CCDC138: variants seen among roughly 807,000 people sequenced by gnomAD.
CCDC138 encodes coiled-coil domain-containing protein 138.
In CCDC138, 66 loss-of-function variants were observed where a neutral mutation model predicts 82.3. The ratio of observed to expected loss-of-function variants is 0.80; its 90% CI spans 0.66 to 0.98. The LOEUF (loss-of-function observed/expected upper bound fraction) is 0.98. Ranked by LOEUF, CCDC138 falls within the 50% of genes least tolerant of loss-of-function variation. The pLI, the probability that CCDC138 is intolerant of heterozygous loss-of-function variation, is 0.00. For missense variants in CCDC138, 816 were observed against 758.9 expected (o/e 1.08, Z -0.88); for synonymous variants, 297 against 265.4 (o/e 1.12, Z -1.16).
chr2:108,878,138 A>G (rs545089695), downstream of CCDC138, among the ~76,000 whole-genome samples: 3 of 152,360 alleles, frequency 2.0e-5, no homozygotes, highest in African/African-American at 7.2e-5. Flanking sequence ...AATCAACCTC[A>G]TATCAAAAGC....
chr2:108,845,939 T>A (rs1426944943), intron 11 of CCDC138, among the ~76,000 whole-genome samples: 1 of 152,222 alleles, frequency 6.6e-6, no homozygotes. Context: ...AGTTTCATGC[T>A]ACTATTTCTA....
rs1325980789 is a variant in CCDC138 at position 108,822,350 on chromosome 2, A to T, written c.1206+6245A>T. On this transcript the variant is annotated intron_variant, in intron 10 of 14. Transcript: ENST00000295124. The stretch of plus-strand genomic sequence containing the variant: ...ATTGAAGAAATAGTAACATAATACT[A>T]CTAGGAAACTTCAATACCCCACTTT... 3.3e-5 allele frequency among the ~76,000 whole-genome samples: 5 copies of T among 152,344 alleles called. No homozygotes were observed. In the East Asian group the frequency reaches 9.6e-4, roughly 29 times the overall value.
Position 108,860,935 on chromosome 2 carries a change from CTTTTT to C in CCDC138, c.1693+3984_1693+3988del, listed in dbSNP as rs70956282. Among the ~76,000 whole-genome samples the C allele has an allele frequency of 1.4e-3, 52 of 37,928 alleles. 2 individuals are homozygous for C. The highest frequency in any genetic ancestry group is 2.8e-3 in the East Asian group (3 of 1,090). The allele number at this position is 37,928 out of a possible 152,430, so 24.9% of individuals were successfully genotyped here. A position where few individuals can be genotyped will look rare whatever the true frequency, so the allele number is the denominator to read the frequency against. ...GGCTGTGAATCCATCTGGTCCAGGA[CTTTTT>C]TTTTTTTTTTTTTTTTTTGGTTGGT... On this transcript the variant is annotated intron_variant, in intron 13 of 14. Coordinates refer to ENST00000295124, the MANE Select transcript of CCDC138 (RefSeq NM_144978.3).
intron 13 of CCDC138, among the ~76,000 whole-genome samples, chr2:108,862,964 A>G (rs527322766): frequency 6.6e-6 from 1 of 152,260 alleles, no homozygotes; most frequent in South Asian, 2.1e-4. Flanking sequence ...AATAATAAAG[A>G]TAACAAAGAA....
At chr2:108,853,907 T>TACTATATATATTA (rs1558737277) in intron 12 of CCDC138, among the ~76,000 whole-genome samples, 1 of 121,100 alleles carries the variant, frequency 8.3e-6, no homozygotes, top group African/African-American at 3.4e-5. Context: ...ATATTATATA[T>TACTATATATATTA]TATATAGTAT....
chr2:108,868,523 C>G (rs537362157), intron 13 of CCDC138, among the ~76,000 whole-genome samples: 2 of 152,344 alleles, frequency 1.3e-5, no homozygotes, highest in African/African-American at 2.4e-5. Context: ...TCTACCTCAC[C>G]TGTCTCTCTT....
At chr2:108,808,342 A>G (rs143387135) in intron 7 of CCDC138, among the ~76,000 whole-genome samples, 2 of 152,260 alleles carry the variant, frequency 1.3e-5, no homozygotes, top group East Asian at 3.9e-4. Context: ...TATCTCTTCA[A>G]TATACTGATT....
chr2:108,861,846 T>G (rs1265778825), intron 13 of CCDC138, among the ~76,000 whole-genome samples: 1 of 152,208 alleles, frequency 6.6e-6, no homozygotes, highest in Non-Finnish European at 1.5e-5. Context: ...CTAAACTTTC[T>G]TCTTAGCACT....
chr2:108,826,810 T>C lies in CCDC138; in HGVS notation c.1206+10705T>C, dbSNP rs1296743413. Among the ~76,000 whole-genome samples, 3 of 152,232 alleles carry C rather than the reference T, an allele frequency of 2.0e-5. No individual in the cohort carries two copies. The South Asian group carries it at 6.2e-4, about 31-fold the overall frequency. On this transcript the variant is annotated intron_variant, in intron 10 of 14. Coordinates refer to ENST00000295124, the MANE Select transcript of CCDC138 (RefSeq NM_144978.3). ...GCTGGGATTTTGATTAAGGACTGCATTGAATCTGTGGATTAATTTGAGAAG... is the reference window on the plus strand; with the variant it reads ...GCTGGGATTTTGATTAAGGACTGCACTGAATCTGTGGATTAATTTGAGAAG...
At position 108,843,882 on chromosome 2, in the gene CCDC138, CTTTCTT is replaced by C. The variant is rs1558717191; in HGVS notation, c.1324-2852_1324-2847del. ...TGTGTGTGTGTGTGTGTGTGTGTTT[CTTTCTT>C]TTTTTTTTTTTTTTTTTTTTGAGAC... On this transcript the variant is annotated intron_variant, in intron 11 of 14. Transcript: ENST00000295124. Among the ~76,000 whole-genome samples, 253 of 46,316 alleles carry C rather than the reference CTTTCTT, an allele frequency of 5.5e-3. 3 individuals are homozygous for C. Among genetic ancestry groups the C allele is most frequent in the African/African-American group, 0.017 (239 of 14,318 alleles). The allele number at this position is 46,316 out of a possible 152,430, so 30.4% of individuals were successfully genotyped here. A position where few individuals can be genotyped will look rare whatever the true frequency, so the allele number is the denominator to read the frequency against.
chr2:108,883,140 G>A (rs1392221949), intron 2 of CCDC138: 1 of 151,308 alleles, frequency 6.6e-6, no homozygotes, highest in Non-Finnish European at 1.5e-5. Flanking sequence ...ATGTGTAGAG[G>A]AAGGTGTGAT....
chr2:108,809,209 G>A (rs1456676569), intron 7 of CCDC138, among the ~76,000 whole-genome samples: 2 of 152,090 alleles, frequency 1.3e-5, no homozygotes, highest in Non-Finnish European at 2.9e-5. Context: ...TGCTGTTCTG[G>A]TTACTACAGT....
At chr2:108,816,128 T>C (rs530061795) in intron 10 of CCDC138, 23 bp downstream of exon 10, 3 of 1,539,086 alleles carry the variant, frequency 1.9e-6, no homozygotes, top group South Asian at 2.3e-5. Context: ...ATTTGAAATA[T>C]GTGATTCAGA....
rs775883232 is a variant in CCDC138, at chr2:108,812,846, G to A, written c.960G>A (p.Gln320=). ...LQRKYEFMTI[Q]RLKGSSHAVH... ...GGAAGTACGAGTTTATGACAATACA[G>A]AGATTGAAAGGAAGTTCCCATGCTG... The change falls in exon 9 of 15, where the codon CAG becomes CAA. Residue 320 remains glutamine, a synonymous_variant. Transcript: ENST00000295124. 3.4e-5 allele frequency: 55 copies of A among 1,613,076 alleles called. No individual in the cohort carries two copies. Among genetic ancestry groups the A allele is most frequent in the Admixed American group, 1.3e-4 (8 of 59,976 alleles).
chr2:108,868,736 T>C (rs1292823411), intron 13 of CCDC138, among the ~76,000 whole-genome samples: 2 of 152,178 alleles, frequency 1.3e-5, no homozygotes, highest in African/African-American at 4.8e-5. Flanking sequence ...TGCTTTGTTA[T>C]GTAGAGCCTT....
chr2:108,832,458 C>T (rs1687866145), intron 10 of CCDC138, among the ~76,000 whole-genome samples: 1 of 151,404 alleles, frequency 6.6e-6, no homozygotes, highest in Non-Finnish European at 1.5e-5. Flanking sequence ...AGCGATTCTC[C>T]TGCCTCGGCC....
intron 6 of CCDC138, among the ~76,000 whole-genome samples, chr2:108,801,247 G>T (rs62153563): frequency 0.23 from 2,144 of 9,364 alleles, 91 homozygotes; most frequent in East Asian, 0.41. Flanking sequence ...CCCACCAACA[G>T]TGTAAAAGTG....
chr2:108,815,182 T>C (rs1684549920), intron 9 of CCDC138, among the ~76,000 whole-genome samples: 1 of 151,188 alleles, frequency 6.6e-6, no homozygotes, highest in African/African-American at 2.5e-5. Flanking sequence ...AAAGTAACAA[T>C]TTTTGTGAGA....
chr2:108,842,633 A>G (rs1689695722), intron 11 of CCDC138, among the ~76,000 whole-genome samples: 1 of 152,160 alleles, frequency 6.6e-6, no homozygotes, highest in Non-Finnish European at 1.5e-5. Context: ...TGCGGGCTTC[A>G]TCTAGCTATT....
Sources: gnomAD v4.1 joint callset for allele counts (sites outside exome capture counted in the v4.1 genomes callset) on GRCh38, gnomAD v4.1.1 for gene constraint, MANE v1.5 for transcripts, NCBI Gene and HGNC (gene_info 2026-07-23, HGNC 2026-07-21) for gene names.